The following CCDC38 variants were observed in gnomAD, a reference collection of about 807,000 sequenced individuals.
CCDC38 encodes coiled-coil domain containing 38, also known as coiled-coil domain-containing protein 38.
Under a neutral mutation model 72.8 loss-of-function variants are expected in CCDC38, and 69 were observed. The ratio of observed to expected loss-of-function variants is 0.95; its 90% CI spans 0.78 to 1.16. The LOEUF is 1.16. CCDC38 is among the 50% of genes most tolerant of loss of function. The pLI, the probability that CCDC38 is intolerant of heterozygous loss-of-function variation, is 0.00. For missense variants in CCDC38, 626 were observed against 638.9 expected, an observed-to-expected ratio of 0.98 and a Z score of 0.22; for synonymous variants, 201 against 213.2, an observed-to-expected ratio of 0.94 and a Z score of 0.50.
rs117736261 is a variant in CCDC38, at chr12:95,901,894, T to C, written c.370-3163A>G. 3.0e-4 allele frequency among the ~76,000 whole-genome samples: 45 copies of C among 151,986 alleles called. No homozygotes were observed. The East Asian group carries it at 8.5e-3, about 29-fold the overall frequency. On this transcript the variant is annotated intron_variant, in intron 5 of 15. Coordinates refer to ENST00000344280, the MANE Select transcript of CCDC38 (RefSeq NM_182496.3). Reference sequence around the variant, plus strand: ...AAATAAGTATAATGCTTTTGAAAAATTTTGCTATAAAGGAGAGCAGAAAAT... The same window carrying C: ...AAATAAGTATAATGCTTTTGAAAAACTTTGCTATAAAGGAGAGCAGAAAAT...
chr12:95,940,730 C>T (rs1480171343), intron 1 of CCDC38, among the ~76,000 whole-genome samples: 1 of 152,128 alleles, frequency 6.6e-6, no homozygotes, highest in Admixed American at 6.5e-5. Context: ...CTTAGATGCA[C>T]GCTGCCGCTT....
intron 2 of CCDC38, 28 bp from the exon 3 acceptor site, chr12:95,919,004 G>T: frequency 1.5e-6 from 2 of 1,369,412 alleles, no homozygotes; most frequent in Non-Finnish European, 2.1e-6. Flanking sequence ...ATGAATGAAT[G>T]AATTCTGTCA....
intron 15 of CCDC38, among the ~76,000 whole-genome samples, chr12:95,867,892 G>C (rs996652404): frequency 6.6e-6 from 1 of 152,156 alleles, no homozygotes; most frequent in Non-Finnish European, 1.5e-5. Flanking sequence ...CATTGCCACT[G>C]TGTTCAAAAG....
At chr12:95,909,364 C>T (rs1199741940) in intron 4 of CCDC38, among the ~76,000 whole-genome samples, 1 of 151,904 alleles carries the variant, frequency 6.6e-6, no homozygotes, top group African/African-American at 2.4e-5. Flanking sequence ...AAATTGTAAC[C>T]CTGAACAGAC....
In CCDC38 at chr12:95,925,025, T is replaced by A. The variant is rs2080253426; in HGVS notation, c.38-6049A>T. Among the ~76,000 whole-genome samples, 12 of 148,668 alleles carry A rather than the reference T, an allele frequency of 8.1e-5. No homozygotes were observed. In the South Asian group the frequency reaches 2.6e-3, roughly 32 times the overall value. On this transcript the variant is annotated intron_variant, in intron 2 of 15. Coordinates refer to ENST00000344280, the MANE Select transcript of CCDC38 (RefSeq NM_182496.3). ...TTAGGATTGACTTGGCGATGCAGGC[T>A]CTTTTTTGGTTCCATATGAACTTTA...
intron 13 of CCDC38, among the ~76,000 whole-genome samples, chr12:95,877,063 G>T (rs2079643659): frequency 6.6e-6 from 1 of 152,068 alleles, no homozygotes; most frequent in African/African-American, 2.4e-5. Context: ...AAGTTTTATT[G>T]GGGATGAAGA....
intron 13 of CCDC38, among the ~76,000 whole-genome samples, chr12:95,874,614 A>ACG (rs2079616384): frequency 1.3e-5 from 2 of 152,198 alleles, no homozygotes; most frequent in African/African-American, 4.8e-5. Context: ...CAGGGAAGGG[A>ACG]AGTTTCAGCC....
At chr12:95,917,333 C>A in intron 3 of CCDC38, 39 bp from the exon 4 acceptor site, 1 of 1,476,334 alleles carries the variant, frequency 6.8e-7, no homozygotes, top group Non-Finnish European at 9.2e-7. Flanking sequence ...TTTTAATATA[C>A]CAAAGTATGT....
chr12:95,874,493 TAGAG>T (rs2079615349), intron 13 of CCDC38, among the ~76,000 whole-genome samples: 1 of 151,938 alleles, frequency 6.6e-6, no homozygotes, highest in South Asian at 2.1e-4. Context: ...GAACAAGAGA[TAGAG>T]AAGAATGAGA....
At chr12:95,907,122 G>A (rs2080013480) in intron 4 of CCDC38, among the ~76,000 whole-genome samples, 1 of 149,694 alleles carries the variant, frequency 6.7e-6, no homozygotes, top group Non-Finnish European at 1.5e-5. Context: ...ACATGTTTCA[G>A]AGAGCACAGG....
At chr12:95,893,173 C>T (rs779523393) in intron 8 of CCDC38, among the ~76,000 whole-genome samples, 2 of 152,204 alleles carry the variant, frequency 1.3e-5, no homozygotes, top group South Asian at 2.1e-4. Flanking sequence ...GGCAACTTTA[C>T]AATATCAATC....
At chr12:95,872,160 T>C (rs955587053) in intron 14 of CCDC38, 95 bp downstream of exon 14, 12 of 1,096,400 alleles carry the variant, frequency 1.1e-5, no homozygotes, top group African/African-American at 1.6e-5. Context: ...TGTGTCCCTA[T>C]AATATGACAT....
chr12:95,869,365 A>C, intron 15 of CCDC38, 115 bp downstream of exon 15: 1 of 743,006 alleles, frequency 1.3e-6, no homozygotes, highest in Non-Finnish European at 2.2e-6. Context: ...AGCTGTGAGC[A>C]AGAAAGATTA....
rs1398701357 is a variant in CCDC38 at position 95,879,305 on chromosome 12, T to C, written c.1142+339A>G. 1.3e-5 allele frequency among the ~76,000 whole-genome samples: 2 copies of C among 152,254 alleles called. No individual in the cohort carries two copies. Among genetic ancestry groups the C allele is most frequent in the Non-Finnish European group, 2.9e-5 (2 of 68,042 alleles). On this transcript the variant is annotated intron_variant, in intron 12 of 15. Coordinates refer to ENST00000344280, the MANE Select transcript of CCDC38 (RefSeq NM_182496.3). This position sits in a 1 kb window ranked among gnomAD's most constrained non-coding sequence, Gnocchi z 5.5. Reference sequence around the variant, plus strand: ...TCATCCACAGCATGATTTGGTAAAGTAAATGACAGCTAGCCAAGTGATAGG... The same window carrying C: ...TCATCCACAGCATGATTTGGTAAAGCAAATGACAGCTAGCCAAGTGATAGG...
At chr12:95,924,657 G>A (rs2080248614) in intron 2 of CCDC38, among the ~76,000 whole-genome samples, 1 of 151,166 alleles carries the variant, frequency 6.6e-6, no homozygotes, top group Non-Finnish European at 1.5e-5. Context: ...TTCTTCTAGG[G>A]TTTTTATGGT....
chr12:95,872,048 T>C (rs1252804675), intron 14 of CCDC38, among the ~76,000 whole-genome samples: 1 of 152,156 alleles, frequency 6.6e-6, no homozygotes, highest in Non-Finnish European at 1.5e-5. Context: ...TCATTACCAT[T>C]GGTAATGACA....
chr12:95,879,631 T>C lies in CCDC38; in HGVS notation c.1142+13A>G. ...GCTTAATGGAATAAATCTACTTGTT[T>C]ATAATGACTTACGTTTTATCCTGTA... On this transcript the variant is annotated intron_variant, in intron 12 of 15. Transcript: ENST00000344280. This position sits in a 1 kb window ranked among gnomAD's most constrained non-coding sequence, Gnocchi z 5.5. The C allele has an allele frequency of 6.4e-7, 1 of 1,551,312 alleles. No homozygotes were observed. Among genetic ancestry groups the C allele is most frequent in the Non-Finnish European group, 8.8e-7 (1 of 1,132,940 alleles).
intron 2 of CCDC38, chr12:95,933,943 T>TG (rs1330998495): frequency 6.6e-6 from 1 of 152,138 alleles, no homozygotes; most frequent in Non-Finnish European, 1.5e-5. Flanking sequence ...TTTGGGACAC[T>TG]GAAGTGGATC....
intron 7 of CCDC38, among the ~76,000 whole-genome samples, chr12:95,895,448 A>G (rs2079876393): frequency 1.3e-5 from 2 of 152,126 alleles, no homozygotes; most frequent in South Asian, 4.1e-4. Flanking sequence ...AGATATAGGG[A>G]GAAATTAGAA....
Sources: gnomAD v4.1 joint callset for allele counts (sites outside exome capture counted in the v4.1 genomes callset) on GRCh38, gnomAD v4.1.1 for gene constraint, Gnocchi (gnomAD v3.1) non-coding constraint, MANE v1.5 for transcripts, NCBI Gene and HGNC (gene_info 2026-07-23, HGNC 2026-07-21) for gene names.